PCDHGB7: variants seen among roughly 807,000 people sequenced by gnomAD.
PCDHGB7 encodes protocadherin gamma subfamily B, 7, also known as protocadherin gamma-B7.
In PCDHGB7, 37 loss-of-function variants were observed where a neutral mutation model predicts 61.4. The observed-to-expected ratio is 0.60, with a 90% confidence interval of 0.46 to 0.79. PCDHGB7 has a LOEUF of 0.79. Ranked by LOEUF, PCDHGB7 falls within the 30% of genes least tolerant of loss-of-function variation. PCDHGB7 has a pLI of 0.00. For synonymous variants in PCDHGB7, 464 were observed against 503.5 expected, an observed-to-expected ratio of 0.92 and a Z score of 1.05; for missense variants, 1,166 against 1,202.5, an observed-to-expected ratio of 0.97 and a Z score of 0.45.
At chr5:141,461,892 C>T (rs976827774) in intron 1 of PCDHGB7, among the ~76,000 whole-genome samples, 2 of 152,030 alleles carry the variant, frequency 1.3e-5, no homozygotes, top group Non-Finnish European at 2.9e-5. Context: ...GGCACGATCT[C>T]GGCTCACTGC....
chr5:141,468,903 C>T (rs1265804352), intron 1 of PCDHGB7, among the ~76,000 whole-genome samples: 1 of 151,614 alleles, frequency 6.6e-6, no homozygotes, highest in Non-Finnish European at 1.5e-5. Context: ...CTAATATGAT[C>T]CAGACTAGAA....
chr5:141,506,246 C>T (rs1049014492), intron 3 of PCDHGB7, among the ~76,000 whole-genome samples: 3 of 151,958 alleles, frequency 2.0e-5, no homozygotes, highest in South Asian at 4.2e-4. Context: ...GTCAGGAGTT[C>T]GAAACCGGCC....
Position 141,487,243 on chromosome 5 carries a change from C to T in PCDHGB7, c.2416-7564C>T. 1 of 1,614,114 alleles carries T rather than the reference C, an allele frequency of 6.2e-7. No individual in the cohort carries two copies. The highest frequency in any genetic ancestry group is 8.5e-7 in the Non-Finnish European group (1 of 1,180,000). Reference sequence around the variant, plus strand: ...CAAGGGAAGGAGAATCTCGTCTAACCCTCTACTTGGCTGTGTCCCTAGTGG... The same window carrying T: ...CAAGGGAAGGAGAATCTCGTCTAACTCTCTACTTGGCTGTGTCCCTAGTGG... On this transcript the variant is annotated intron_variant, in intron 1 of 3. Coordinates refer to ENST00000398594, the MANE Select transcript of PCDHGB7 (RefSeq NM_018927.4). The surrounding 1 kb of genome is among the most constrained non-coding windows in gnomAD (Gnocchi z 5.0).
In PCDHGB7 at chr5:141,485,865, C is replaced by T. The variant is rs1214425261; in HGVS notation, c.2416-8942C>T. The stretch of plus-strand genomic sequence containing the variant: ...TCTGGCACCGCAGAGCTCCGGGTAT[C>T]CGTGCTGGACGTAAACGACAACGCC... On this transcript the variant is annotated intron_variant, in intron 1 of 3. Transcript: ENST00000398594. The surrounding 1 kb of genome is among the most constrained non-coding windows in gnomAD (Gnocchi z 5.7). 23 of 1,614,182 alleles carry T rather than the reference C, an allele frequency of 1.4e-5. No homozygotes were observed. Among genetic ancestry groups the T allele is most frequent in the Non-Finnish European group, 1.8e-5 (21 of 1,180,034 alleles).
chr5:141,418,621 C>G lies in PCDHGB7; in HGVS notation c.762C>G (p.Asp254Glu), dbSNP rs765634746. 2 of 1,613,916 alleles carry G rather than the reference C, an allele frequency of 1.2e-6. No individual in the cohort carries two copies. The highest frequency in any genetic ancestry group is 1.7e-6 in the Non-Finnish European group (2 of 1,179,894). The change falls in exon 1 of 4, where the codon GAC (aspartate) becomes GAG (glutamate). Residue 254 changes from aspartate (D) to glutamate (E), a missense_variant. Physicochemically the swap from Asp to Glu is conservative, Grantham distance 45 (BLOSUM62 2). Coordinates refer to ENST00000398594, the MANE Select transcript of PCDHGB7 (RefSeq NM_018927.4). The stretch of plus-strand genomic sequence containing the variant: ...TGTACAGGGTTAGCCTTCGGGAAGA[C>G]GTGCCTCCAGGCACCTCCATCCTGA... ...QDVYRVSLRE[D>E]VPPGTSILRV...
At position 141,433,356 on chromosome 5, in the gene PCDHGB7, T is replaced by A. The variant is rs549297958; in HGVS notation, c.2415+13082T>A. On this transcript the variant is annotated intron_variant, in intron 1 of 3. Transcript: ENST00000398594. ...CTACAGGTGCAAGCCACCTACTGTC[T>A]GCCTATCTATCTATCTATCTATCTA... The A allele has an allele frequency of 8.4e-5, 51 of 607,892 alleles. No homozygotes were observed. The African/African-American group carries it at 9.5e-4, about 11-fold the overall frequency. 37.7% of individuals were successfully genotyped at this position (607,892 alleles called of 1,614,324 possible).
chr5:141,441,179 C>G (rs150511376), intron 1 of PCDHGB7: 13 of 152,210 alleles, frequency 8.5e-5, no homozygotes, highest in South Asian at 2.1e-4. Context: ...ACTTCTAATT[C>G]CACAATGATT....
chr5:141,450,937 A>G (rs1011608521), intron 1 of PCDHGB7, among the ~76,000 whole-genome samples: 1 of 148,134 alleles, frequency 6.8e-6, no homozygotes, highest in African/African-American at 2.5e-5. Flanking sequence ...CAATTCTCCT[A>G]CCTCAGCCTC....
At chr5:141,459,035 AC>A (rs1337856322) in intron 1 of PCDHGB7, among the ~76,000 whole-genome samples, 1 of 152,218 alleles carries the variant, frequency 6.6e-6, no homozygotes, top group Non-Finnish European at 1.5e-5. Flanking sequence ...ATCCAGCCTT[AC>A]CAGCTATATT....
intron 1 of PCDHGB7, chr5:141,427,435 T>C (rs536693959): frequency 2.1e-6 from 1 of 474,160 alleles, no homozygotes; most frequent in African/African-American, 2.0e-5. Flanking sequence ...ACATGCCTCA[T>C]AAACGAAAGA....
In PCDHGB7 at chr5:141,419,935, G is replaced by T; in HGVS notation, c.2076G>T (p.Leu692=). 6.2e-7 allele frequency: 1 copy of T among 1,614,070 alleles called. No individual in the cohort carries two copies. The highest frequency in any genetic ancestry group is 8.5e-7 in the Non-Finnish European group (1 of 1,179,896). Residue 692 remains leucine, a synonymous_variant, in exon 1 of 4, where the codon CTG becomes CTT. Coordinates refer to ENST00000398594, the MANE Select transcript of PCDHGB7 (RefSeq NM_018927.4). ...SDSQAEMQFY[L]VVALALISVL... is the part of the protein sequence containing the mutation. ...CCCAGGCTGAGATGCAGTTTTACCTGGTGGTGGCCTTGGCCTTGATTTCTG... is the reference window on the plus strand; with the variant it reads ...CCCAGGCTGAGATGCAGTTTTACCTTGTGGTGGCCTTGGCCTTGATTTCTG...
At chr5:141,505,666 G>T (rs904221281) in intron 3 of PCDHGB7, among the ~76,000 whole-genome samples, 185 bp downstream of exon 3, 3 of 152,180 alleles carry the variant, frequency 2.0e-5, no homozygotes, top group Non-Finnish European at 4.4e-5. Context: ...ACAGCAGAGG[G>T]GTTGGGGGTC....
Position 141,431,420 on chromosome 5 carries a change from G to C in PCDHGB7, c.2415+11146G>C, listed in dbSNP as rs780266425. The C allele has an allele frequency of 8.1e-6, 13 of 1,613,592 alleles. No individual in the cohort carries two copies. Among genetic ancestry groups the C allele is most frequent in the East Asian group, 2.2e-5 (1 of 44,902 alleles). ...TACGGCCTCCGACGGGGGCGACCCG[G>C]TGCGCACAGGCACCGCGCGCATCCG... is the stretch of plus-strand genomic sequence containing the variant. On this transcript the variant is annotated intron_variant, in intron 1 of 3. Transcript: ENST00000398594. This position sits in a 1 kb window ranked among gnomAD's most constrained non-coding sequence, Gnocchi z 4.8.
chr5:141,418,460 G>A lies in PCDHGB7; in HGVS notation c.601G>A (p.Asp201Asn). The change falls in exon 1 of 4, where the codon GAC becomes AAC. Residue 201 changes from aspartate to asparagine, a missense_variant. Asp to Asn is a conservative substitution (Grantham distance 23, BLOSUM62 1). Transcript: ENST00000398594. Reference sequence around the variant, plus strand: ...AGAATTAGTATTGCAGAAGACTCTGGACCGAGAAACGCAGAGCGCTCACCA... The same window carrying A: ...AGAATTAGTATTGCAGAAGACTCTGAACCGAGAAACGCAGAGCGCTCACCA... Reference protein sequence around the residue: ...YPELVLQKTLDRETQSAHHLV... With the variant: ...YPELVLQKTLNRETQSAHHLV... The A allele has an allele frequency of 6.2e-7, 1 of 1,613,992 alleles. No homozygotes were observed. The highest frequency in any genetic ancestry group is 8.5e-7 in the Non-Finnish European group (1 of 1,179,894).
At chr5:141,457,318 C>T (rs990268003) in intron 1 of PCDHGB7, among the ~76,000 whole-genome samples, 3 of 152,238 alleles carry the variant, frequency 2.0e-5, no homozygotes, top group South Asian at 2.1e-4. Context: ...AAGAAACCTC[C>T]GGGTTACAGG....
rs984639830 is a variant in PCDHGB7, at chr5:141,418,539, A to C, written c.680A>C (p.Gln227Pro). The C allele has an allele frequency of 6.2e-7, 1 of 1,614,034 alleles. No individual in the cohort carries two copies. The highest frequency in any genetic ancestry group is 2.2e-5 in the East Asian group (1 of 44,876). The change falls in exon 1 of 4, where the codon CAG (glutamine) becomes CCG (proline). Residue 227 changes from glutamine to proline, a missense_variant. Gln to Pro is a moderately conservative substitution (Grantham distance 76). Coordinates refer to ENST00000398594, the MANE Select transcript of PCDHGB7 (RefSeq NM_018927.4). ...GACCCTCCCCGAAGCGGTACTGCTC[A>C]GATAAGAATCCTGGTAATAGATGCC... The part of the protein sequence containing the change: ...GGDPPRSGTA[Q>P]IRILVIDAND...
At chr5:141,475,103 G>A (rs771784343) in intron 1 of PCDHGB7, among the ~76,000 whole-genome samples, 1 of 152,176 alleles carries the variant, frequency 6.6e-6, no homozygotes, top group Non-Finnish European at 1.5e-5. Flanking sequence ...AAGATCCTAG[G>A]TGGTAAATAG....
At position 141,432,872 on chromosome 5, in the gene PCDHGB7, C is replaced by T; in HGVS notation, c.2415+12598C>T. On this transcript the variant is annotated intron_variant, in intron 1 of 3. Transcript: ENST00000398594. This position sits in a 1 kb window ranked among gnomAD's most constrained non-coding sequence, Gnocchi z 6.0. ...GGTGGCCGCGGTCTCCTGCGTCTTC[C>T]TGGCCTTCGTCATCTTGCTGCTGGC... is the stretch of plus-strand genomic sequence containing the variant. 1.9e-6 allele frequency: 3 copies of T among 1,614,192 alleles called. No homozygotes were observed. Among genetic ancestry groups the T allele is most frequent in the Non-Finnish European group, 2.5e-6 (3 of 1,180,018 alleles).
intron 1 of PCDHGB7, among the ~76,000 whole-genome samples, chr5:141,472,648 C>G (rs762736307): frequency 1.3e-5 from 2 of 151,864 alleles, no homozygotes; most frequent in African/African-American, 4.8e-5. Flanking sequence ...TGTGTTGAAT[C>G]AGTATATAAA....
Sources: gnomAD v4.1 joint callset for allele counts (sites outside exome capture counted in the v4.1 genomes callset) on GRCh38, gnomAD v4.1.1 for gene constraint, Gnocchi (gnomAD v3.1) non-coding constraint, MANE v1.5 for transcripts, NCBI Gene and HGNC (gene_info 2026-07-23, HGNC 2026-07-21) for gene names.